Variants in PCBP2 observed in about 807,000 individuals in gnomAD.
PCBP2 encodes poly(rC) binding protein 2.
Under a neutral mutation model 50.1 loss-of-function variants are expected in PCBP2, and 4 were observed. The observed-to-expected ratio is 0.08, with a 90% confidence interval of 0.04 to 0.18. The LOEUF is 0.18. Among genes scored for constraint, PCBP2 ranks in the 10% least tolerant of loss-of-function variants. PCBP2 has a pLI of 1.00. For missense variants in PCBP2, 161 were observed against 474.3 expected (o/e 0.34, Z 6.14); for synonymous variants, 179 against 168.0 (o/e 1.07, Z -0.51).
chr12:53,466,190 A>G (rs1941807415), intron 10 of PCBP2, among the ~76,000 whole-genome samples: 1 of 152,230 alleles, frequency 6.6e-6, no homozygotes, highest in Admixed American at 6.5e-5. Context: ...AATTCAGCAC[A>G]TTAGCTTCTC....
chr12:53,455,340 A>T lies in PCBP2; in HGVS notation c.70-7A>T, dbSNP rs369807940. 1.2e-6 allele frequency: 2 copies of T among 1,613,338 alleles called. No individual in the cohort carries two copies. Among genetic ancestry groups the T allele is most frequent in the African/African-American group, 2.7e-5 (2 of 74,940 alleles). On this transcript the variant is annotated splice_region_variant and splice_polypyrimidine_tract_variant and intron_variant, in intron 2 of 14. Transcript: ENST00000546463. ...CCTCTTACTGACGTTAGTTTTCTCC[A>T]TTGCAGGAAGTTGGCAGTATCATCG...
intron 1 of PCBP2, chr12:53,453,338 T>TAAAAAAAAAAAG (rs1226882470): frequency 6.6e-6 from 1 of 152,124 alleles, no homozygotes; most frequent in Non-Finnish European, 1.5e-5. Context: ...AAGAAAGTCA[T>TAAAAAAAAAAAG]TCTTACAGAC....
chr12:53,469,987 C>G (rs1224881123), intron 13 of PCBP2, among the ~76,000 whole-genome samples: 2 of 147,334 alleles, frequency 1.4e-5, no homozygotes, highest in African/African-American at 5.0e-5. Flanking sequence ...CTTACGTGAT[C>G]CCCCCCCTTC....
chr12:53,459,991 T>C (rs1267075474), intron 6 of PCBP2: 1 of 358,254 alleles, frequency 2.8e-6, no homozygotes, highest in Admixed American at 2.8e-5. Context: ...ACTCCTGAGC[T>C]CAAGCAATCC....
chr12:53,459,925 T>G (rs376620159), intron 6 of PCBP2: 3 of 445,172 alleles, frequency 6.7e-6, no homozygotes, highest in East Asian at 1.4e-4. Flanking sequence ...CACACCCAAA[T>G]TTTTGTATTT....
intron 5 of PCBP2, among the ~76,000 whole-genome samples, chr12:53,457,607 A>C (rs1282674468): frequency 1.3e-5 from 2 of 152,032 alleles, no homozygotes; most frequent in Non-Finnish European, 2.9e-5. Context: ...CAGCCTCCCA[A>C]AGTGCTGGGA....
intron 11 of PCBP2, 166 bp from the exon 12 acceptor site, chr12:53,467,639 G>C (rs749624185): frequency 1.2e-5 from 8 of 670,304 alleles, no homozygotes; most frequent in Non-Finnish European, 2.1e-5. Context: ...GCAATTCACA[G>C]GCTTGGGTAG....
At chr12:53,476,628 T>C (rs1942601769) in intron 14 of PCBP2, among the ~76,000 whole-genome samples, 1 of 152,114 alleles carries the variant, frequency 6.6e-6, no homozygotes, top group African/African-American at 2.4e-5. Context: ...TGATGACCTT[T>C]TCCCAGCATC....
chr12:53,459,760 T>C (rs1315570450), intron 6 of PCBP2: 2 of 325,640 alleles, frequency 6.1e-6, no homozygotes, highest in African/African-American at 4.4e-5. Context: ...TTTTTAACTT[T>C]TTTTCTTTTT....
chr12:53,464,976 G>C, intron 9 of PCBP2, 124 bp downstream of exon 9: 1 of 1,190,502 alleles, frequency 8.4e-7, no homozygotes, highest in South Asian at 2.2e-5. Context: ...TGTCCACGGG[G>C]ACCTGGACTG....
chr12:53,469,652 G>A (rs1487740634), intron 13 of PCBP2, among the ~76,000 whole-genome samples: 5 of 152,090 alleles, frequency 3.3e-5, no homozygotes, highest in African/African-American at 9.7e-5. Context: ...CTTGAAACCC[G>A]GGAGGCGGAG....
At chr12:53,471,274 C>T (rs1043014421) in intron 13 of PCBP2, among the ~76,000 whole-genome samples, 1 of 148,960 alleles carries the variant, frequency 6.7e-6, no homozygotes, top group African/African-American at 2.5e-5. Flanking sequence ...GCGAGACCCT[C>T]GGTTTTTTTT....
intron 14 of PCBP2, chr12:53,475,365 A>G: frequency 2.8e-6 from 1 of 359,764 alleles, no homozygotes; most frequent in Non-Finnish European, 5.5e-6. Context: ...GGGGAGTGGT[A>G]ACCCTTGTTT....
chr12:53,469,129 C>T lies in PCBP2; in HGVS notation c.882+297C>T, dbSNP rs528167707. On this transcript the variant is annotated intron_variant, in intron 13 of 14. Coordinates refer to ENST00000546463, the MANE Select transcript of PCBP2 (RefSeq NM_031989.5). ...GTTGGTCAGGCTGGTCTCAAACTCC[C>T]GAGCTCAGGTGATCCACTCACCTTG... is the stretch of plus-strand genomic sequence containing the variant. Among the ~76,000 whole-genome samples, 15 of 151,884 alleles carry T rather than the reference C, an allele frequency of 9.9e-5. No homozygotes were observed. In the East Asian group the frequency reaches 1.2e-3, roughly 12 times the overall value.
chr12:53,458,052 C>G (rs1426791932), intron 5 of PCBP2, among the ~76,000 whole-genome samples: 3 of 151,980 alleles, frequency 2.0e-5, no homozygotes, highest in African/African-American at 7.3e-5. Flanking sequence ...CCTCGGCCTC[C>G]CCAGTAGCTG....
intron 5 of PCBP2, among the ~76,000 whole-genome samples, chr12:53,458,920 T>G (rs1036398586): frequency 6.6e-6 from 1 of 152,130 alleles, no homozygotes; most frequent in Non-Finnish European, 1.5e-5. Flanking sequence ...GATTACAAGC[T>G]TGAGCTACCG....
intron 12 of PCBP2, chr12:53,468,044 C>T (rs1263771423): frequency 1.2e-5 from 7 of 583,730 alleles, no homozygotes; most frequent in Non-Finnish European, 2.1e-5. Context: ...GATGAGACAG[C>T]AGCCATAGCT....
intron 13 of PCBP2, 86 bp from the exon 14 acceptor site, chr12:53,471,552 G>A (rs1367539407): frequency 1.0e-5 from 13 of 1,299,536 alleles, no homozygotes; most frequent in East Asian, 5.2e-5. Flanking sequence ...GGCCACAGTC[G>A]TAGGATTTGG....
intron 14 of PCBP2, chr12:53,476,124 A>G (rs879264674): frequency 5.3e-5 from 8 of 152,196 alleles, no homozygotes; most frequent in Non-Finnish European, 1.2e-4. Context: ...AACCCGTGAC[A>G]TTATCCACAA....
Sources: allele counts gnomAD v4.1 joint callset (sites outside exome capture counted in the v4.1 genomes callset), GRCh38; gene constraint gnomAD v4.1.1; transcripts MANE v1.5; gene names NCBI Gene and HGNC (gene_info 2026-07-23, HGNC 2026-07-21).